PTN: variants seen among roughly 807,000 people sequenced by gnomAD.
PTN encodes the protein heparin affin regulatory protein.
A neutral mutation model predicts 24.1 loss-of-function variants in PTN; 18 were observed. The ratio of observed to expected loss-of-function variants is 0.75; its 90% CI spans 0.52 to 1.11. PTN has a LOEUF of 1.11. PTN is among the 50% of genes least tolerant of loss of function. The probability of loss-of-function intolerance (pLI) is 0.00; values close to 1 mark genes in which losing one functional copy is unlikely to be tolerated. For synonymous variants in PTN, 78 were observed against 68.6 expected, an observed-to-expected ratio of 1.14 and a Z score of -0.67; for missense variants, 163 against 198.8, an observed-to-expected ratio of 0.82 and a Z score of 1.08.
chr7:137,249,172 ACCCAG>A (rs1255696632), intron 4 of PTN, among the ~76,000 whole-genome samples: 2 of 151,916 alleles, frequency 1.3e-5, no homozygotes, highest in South Asian at 2.1e-4. Context: ...TTATGTGTTC[ACCCAG>A]CCCCACCATC....
chr7:137,268,982 T>G (rs1349379960), intron 1 of PTN, among the ~76,000 whole-genome samples: 3 of 152,204 alleles, frequency 2.0e-5, no homozygotes, highest in African/African-American at 7.2e-5. Flanking sequence ...TACAAAGATT[T>G]TTGTTGTTCT....
At chr7:137,336,747 A>T (rs1810455592) in intron 1 of PTN, among the ~76,000 whole-genome samples, 1 of 152,160 alleles carries the variant, frequency 6.6e-6, no homozygotes, top group Non-Finnish European at 1.5e-5. Context: ...AGGAGGGGGA[A>T]GAAGTGAGGA....
chr7:137,266,635 CT>C (rs532507644), intron 1 of PTN, among the ~76,000 whole-genome samples: 2 of 146,246 alleles, frequency 1.4e-5, no homozygotes, highest in South Asian at 2.2e-4. Flanking sequence ...CTTTTTTTTC[CT>C]TTTTTTTTGA....
chr7:137,314,680 C>T (rs75535610), intron 1 of PTN, among the ~76,000 whole-genome samples: 3 of 148,872 alleles, frequency 2.0e-5, no homozygotes, highest in African/African-American at 5.0e-5. Context: ...CGGCAACCTC[C>T]GACTCCCAGG....
intron 1 of PTN, among the ~76,000 whole-genome samples, chr7:137,285,538 T>C (rs879934969): frequency 2.8e-4 from 43 of 152,072 alleles, no homozygotes; most frequent in Non-Finnish European, 3.5e-4. Flanking sequence ...TGGTGGCGTG[T>C]GCCTGTAGTC....
At position 137,325,206 on chromosome 7, in the gene PTN, T is replaced by C. The variant is rs188936035; in HGVS notation, c.-2+18233A>G. Among the ~76,000 whole-genome samples the C allele has an allele frequency of 3.9e-3, 591 of 152,336 alleles. 4 individuals are homozygous for C. The highest frequency in any genetic ancestry group is 0.013 in the African/African-American group (556 of 41,584). ...TTCTTAGAAAAGATCTTGTCTGATCTCTGTCCCCAGGACATTTCCTGTCTC... is the reference window on the plus strand; with the variant it reads ...TTCTTAGAAAAGATCTTGTCTGATCCCTGTCCCCAGGACATTTCCTGTCTC... On this transcript the variant is annotated intron_variant, in intron 1 of 4. Transcript: ENST00000348225.
At chr7:137,333,419 G>A (rs1810393232) in intron 1 of PTN, among the ~76,000 whole-genome samples, 1 of 152,144 alleles carries the variant, frequency 6.6e-6, no homozygotes, top group East Asian at 1.9e-4. Flanking sequence ...TGTTACCTAA[G>A]ACTGTTACCA....
chr7:137,304,839 T>G (rs906334728), intron 1 of PTN, among the ~76,000 whole-genome samples: 1 of 151,962 alleles, frequency 6.6e-6, no homozygotes, highest in African/African-American at 2.4e-5. Flanking sequence ...TGGCGCTGTT[T>G]GGGAGCTGAC....
At position 137,335,928 on chromosome 7, in the gene PTN, CTTTT is replaced by C. The variant is rs35429933; in HGVS notation, c.-2+7507_-2+7510del. Among the ~76,000 whole-genome samples the C allele has an allele frequency of 5.9e-3, 837 of 141,874 alleles. 4 individuals carry two copies. The highest frequency in any genetic ancestry group is 8.6e-3 in the Admixed American group (122 of 14,222). The allele number at this position is 141,874 out of a possible 152,430, so 93.1% of individuals were successfully genotyped here. On this transcript the variant is annotated intron_variant, in intron 1 of 4. Transcript: ENST00000348225. Reference sequence around the variant, plus strand: ...CAGCCTCATTTAAGATGTCTTCTCGCTTTTTTTTTTTTTTTTTAGTATGACTCAT... The same window carrying C: ...CAGCCTCATTTAAGATGTCTTCTCGCTTTTTTTTTTTTTAGTATGACTCAT...
At chr7:137,249,967 C>A (rs1278358423) in intron 4 of PTN, among the ~76,000 whole-genome samples, 2 of 152,176 alleles carry the variant, frequency 1.3e-5, no homozygotes, top group Non-Finnish European at 2.9e-5. Context: ...TTCTGGCCAC[C>A]AGCAGGAAAC....
chr7:137,319,891 A>G (rs945972849), intron 1 of PTN, among the ~76,000 whole-genome samples: 1 of 152,150 alleles, frequency 6.6e-6, no homozygotes, highest in African/African-American at 2.4e-5. Flanking sequence ...AGGGAGTCTT[A>G]TGTGGTCTAG....
At chr7:137,315,229 T>C (rs1363057588) in intron 1 of PTN, among the ~76,000 whole-genome samples, 1 of 152,210 alleles carries the variant, frequency 6.6e-6, no homozygotes, top group Non-Finnish European at 1.5e-5. Flanking sequence ...AATAAATTAC[T>C]TACTGAAGAA....
chr7:137,247,433 C>T (rs575118410), intron 4 of PTN, among the ~76,000 whole-genome samples: 8 of 152,208 alleles, frequency 5.3e-5, no homozygotes, highest in East Asian at 1.9e-4. Context: ...AGAAACATTG[C>T]GTGTACTCAC....
intron 4 of PTN, among the ~76,000 whole-genome samples, chr7:137,245,686 T>C (rs1808710634): frequency 6.6e-6 from 1 of 152,038 alleles, no homozygotes; most frequent in East Asian, 1.9e-4. Context: ...ATTGTTATCA[T>C]AGGAGATGAT....
intron 4 of PTN, among the ~76,000 whole-genome samples, chr7:137,249,395 T>C (rs1808782838): frequency 6.6e-6 from 1 of 152,008 alleles, no homozygotes; most frequent in African/African-American, 2.4e-5. Flanking sequence ...CATGAAACCT[T>C]CTGAGATGCA....
chr7:137,313,082 C>CTG (rs1687277005), intron 1 of PTN, among the ~76,000 whole-genome samples: 1 of 23,304 alleles, frequency 4.3e-5, no homozygotes, highest in African/African-American at 5.0e-4. Context: ...TCGTTCCCCC[C>CTG]TCTCATTCAT....
chr7:137,304,436 C>A (rs1809854587), intron 1 of PTN, among the ~76,000 whole-genome samples: 1 of 151,586 alleles, frequency 6.6e-6, no homozygotes, highest in Non-Finnish European at 1.5e-5. Context: ...CATAGACCAC[C>A]CCGCTCCCCC....
At chr7:137,338,152 A>C (rs1810478591) in intron 1 of PTN, among the ~76,000 whole-genome samples, 1 of 152,066 alleles carries the variant, frequency 6.6e-6, no homozygotes, top group Non-Finnish European at 1.5e-5. Flanking sequence ...GGTGCCTTCA[A>C]TTTCCGACTC....
intron 4 of PTN, among the ~76,000 whole-genome samples, chr7:137,241,089 G>C (rs186402318): frequency 3.9e-5 from 6 of 152,286 alleles, no homozygotes; most frequent in African/African-American, 1.2e-4. Flanking sequence ...AGGAGAGACA[G>C]CGAGAGCAAG....
Sources: allele counts gnomAD v4.1 joint callset (sites outside exome capture counted in the v4.1 genomes callset), GRCh38; gene constraint gnomAD v4.1.1; transcripts MANE v1.5; gene names NCBI Gene and HGNC (gene_info 2026-07-23, HGNC 2026-07-21).